Variants in CSRNP3 observed in about 807,000 individuals in gnomAD.
CSRNP3 encodes cysteine and serine rich nuclear protein 3.
Under a neutral mutation model 48.0 loss-of-function variants are expected in CSRNP3, and 12 were observed. The ratio of observed to expected loss-of-function variants is 0.25; its 90% confidence interval spans 0.16 to 0.41. CSRNP3 has a LOEUF of 0.41. Among genes scored for constraint, CSRNP3 ranks in the 10% least tolerant of loss-of-function variants. CSRNP3 has a pLI of 1.00. For synonymous variants in CSRNP3, 263 were observed against 269.7 expected (o/e 0.98, Z 0.24); for missense variants, 580 against 724.4 (o/e 0.80, Z 2.29).
chr2:165,586,215 G>T (rs1007902852), intron 3 of CSRNP3, among the ~76,000 whole-genome samples: 2 of 152,120 alleles, frequency 1.3e-5, no homozygotes, highest in Non-Finnish European at 2.9e-5. Context: ...AACTTTTTCA[G>T]ATTGTTTGGT....
chr2:165,595,819 T>G (rs1453868665), intron 4 of CSRNP3, among the ~76,000 whole-genome samples: 1 of 152,092 alleles, frequency 6.6e-6, no homozygotes, highest in African/African-American at 2.4e-5. Flanking sequence ...TTTGTTGAGA[T>G]GGAGTCTCGC....
At chr2:165,592,762 C>T (rs1056599367) in intron 3 of CSRNP3, among the ~76,000 whole-genome samples, 1 of 151,812 alleles carries the variant, frequency 6.6e-6, no homozygotes, top group African/African-American at 2.4e-5. Flanking sequence ...TTGAGGCCTC[C>T]CCAGCCATGT....
At chr2:165,617,129 T>C (rs1686258721) in intron 4 of CSRNP3, among the ~76,000 whole-genome samples, 1 of 152,180 alleles carries the variant, frequency 6.6e-6, no homozygotes, top group African/African-American at 2.4e-5. Context: ...GACCATTATT[T>C]TGAATTACTT....
intron 6 of CSRNP3, among the ~76,000 whole-genome samples, chr2:165,677,856 G>T (rs972557369): frequency 6.6e-6 from 1 of 152,162 alleles, no homozygotes; most frequent in Non-Finnish European, 1.5e-5. Flanking sequence ...TGAGTGAAGA[G>T]GTCAGTCCAA....
chr2:165,547,246 A>T (rs532091652), intron 3 of CSRNP3, among the ~76,000 whole-genome samples: 1 of 152,266 alleles, frequency 6.6e-6, no homozygotes, highest in South Asian at 2.1e-4. Context: ...TTATTTTCAA[A>T]TTTTCAATAT....
At chr2:165,562,874 A>C (rs975195794) in intron 3 of CSRNP3, among the ~76,000 whole-genome samples, 1 of 152,150 alleles carries the variant, frequency 6.6e-6, no homozygotes, top group Admixed American at 6.6e-5. Flanking sequence ...TGAAAGGGAC[A>C]AGTTTTTTCA....
intron 3 of CSRNP3, among the ~76,000 whole-genome samples, chr2:165,573,510 C>T (rs1466591013): frequency 6.6e-6 from 1 of 152,164 alleles, no homozygotes; most frequent in African/African-American, 2.4e-5. Context: ...AATAGCACAA[C>T]ACTGAATATC....
chr2:165,676,358 C>A lies in CSRNP3; in HGVS notation c.455C>A (p.Thr152Lys). The A allele has an allele frequency of 1.2e-6, 2 of 1,614,040 alleles. No individual in the cohort carries two copies. Among genetic ancestry groups the A allele is most frequent in the Non-Finnish European group, 1.7e-6 (2 of 1,179,924 alleles). The change falls in exon 6 of 7, where the codon ACA becomes AAA. Residue 152 changes from threonine to lysine, a missense_variant. Thr to Lys is a moderately conservative substitution (Grantham distance 78, BLOSUM62 -1). Transcript: ENST00000651982. Reference protein sequence around the residue: ...TVESEEASTLTLDDISDDDID... With the variant: ...TVESEEASTLKLDDISDDDID... ...GAATCAGAAGAAGCCAGCACTCTTA[C>A]ACTGGATGACATTTCTGATGATGAC...
chr2:165,555,132 G>T (rs1400497763), intron 3 of CSRNP3, among the ~76,000 whole-genome samples: 1 of 152,044 alleles, frequency 6.6e-6, no homozygotes, highest in Non-Finnish European at 1.5e-5. Flanking sequence ...AATCAGAAAA[G>T]AATTGCTTAC....
chr2:165,521,417 C>A (rs1369479844), intron 3 of CSRNP3, among the ~76,000 whole-genome samples: 1 of 152,116 alleles, frequency 6.6e-6, no homozygotes. Context: ...AATTCCTTTG[C>A]TTTCATCCTC....
chr2:165,519,906 C>T (rs899040105), intron 3 of CSRNP3, among the ~76,000 whole-genome samples: 2 of 152,068 alleles, frequency 1.3e-5, no homozygotes, highest in African/African-American at 4.8e-5. Flanking sequence ...TGACTTTGCA[C>T]TACATAATTT....
intron 3 of CSRNP3, among the ~76,000 whole-genome samples, chr2:165,527,667 C>T (rs940416840): frequency 6.6e-5 from 10 of 151,866 alleles, no homozygotes; most frequent in African/African-American, 2.2e-4. Flanking sequence ...TCAGTAGGCT[C>T]CAAATTTCCT....
intron 3 of CSRNP3, among the ~76,000 whole-genome samples, chr2:165,549,215 C>A (rs1435466591): frequency 6.6e-6 from 1 of 151,814 alleles, no homozygotes; most frequent in African/African-American, 2.4e-5. Context: ...TAGAGACGAC[C>A]GTGTTAGGGA....
chr2:165,592,481 T>TCACA (rs1315149133), intron 3 of CSRNP3, among the ~76,000 whole-genome samples: 1 of 151,924 alleles, frequency 6.6e-6, no homozygotes, highest in African/African-American at 2.4e-5. Flanking sequence ...TTGGGAGGGG[T>TCACA]CACAGGCAGA....
At chr2:165,543,806 T>G (rs958099857) in intron 3 of CSRNP3, among the ~76,000 whole-genome samples, 2 of 151,974 alleles carry the variant, frequency 1.3e-5, no homozygotes, top group African/African-American at 4.8e-5. Flanking sequence ...TATTTTGAAG[T>G]TGCAATAAAA....
At chr2:165,540,152 C>A (rs1460220620) in intron 3 of CSRNP3, among the ~76,000 whole-genome samples, 1 of 152,094 alleles carries the variant, frequency 6.6e-6, no homozygotes, top group African/African-American at 2.4e-5. Flanking sequence ...GGCAAGCAAC[C>A]AGTTCTCCCT....
At chr2:165,634,315 G>A (rs951811005) in intron 4 of CSRNP3, among the ~76,000 whole-genome samples, 3 of 152,068 alleles carry the variant, frequency 2.0e-5, no homozygotes, top group Non-Finnish European at 4.4e-5. Context: ...ACTCCACCCT[G>A]GGCAATGGGA....
chr2:165,572,341 CAGTG>C (rs1685386338), intron 3 of CSRNP3: 1 of 152,058 alleles, frequency 6.6e-6, no homozygotes. Flanking sequence ...TAGGCAGCCT[CAGTG>C]AGGCTGATGC....
At chr2:165,656,422 C>CA (rs1687006261) in intron 4 of CSRNP3, among the ~76,000 whole-genome samples, 1 of 151,880 alleles carries the variant, frequency 6.6e-6, no homozygotes, top group Non-Finnish European at 1.5e-5. Flanking sequence ...ATCATTACCA[C>CA]AAAAAAATCA....
Sources: gnomAD v4.1 joint callset for allele counts (sites outside exome capture counted in the v4.1 genomes callset) on GRCh38, gnomAD v4.1.1 for gene constraint, MANE v1.5 for transcripts, NCBI Gene and HGNC (gene_info 2026-07-23, HGNC 2026-07-21) for gene names.